CCBE1: variants seen among roughly 807,000 people sequenced by gnomAD.
CCBE1 encodes collagen and calcium binding EGF domains 1.
In CCBE1, 37 loss-of-function variants were observed where a neutral mutation model predicts 50.0. That is an observed-to-expected ratio of 0.74 (90% CI 0.57 to 0.97). The LOEUF (loss-of-function observed/expected upper bound fraction) is 0.97, where lower values mean the gene tolerates loss of function less well. CCBE1 is among the 50% of genes least tolerant of loss of function. The pLI is 0.00. For synonymous variants in CCBE1, 234 were observed against 203.7 expected (o/e 1.15, Z -1.27); for missense variants, 538 against 523.8 (o/e 1.03, Z -0.26).
At chr18:59,537,022 T>C (rs1194538488) in intron 2 of CCBE1, among the ~76,000 whole-genome samples, 8 of 151,494 alleles carry the variant, frequency 5.3e-5, no homozygotes, top group Non-Finnish European at 1.2e-4. Flanking sequence ...ATGTTTTTCA[T>C]GTTTCTGCTC....
At chr18:59,678,681 C>T (rs1391327513) in intron 2 of CCBE1, among the ~76,000 whole-genome samples, 1 of 150,822 alleles carries the variant, frequency 6.6e-6, no homozygotes, top group East Asian at 1.9e-4. Context: ...TACAGGTGCC[C>T]ACCACCACAC....
chr18:59,532,742 T>G (rs894304610), intron 2 of CCBE1, among the ~76,000 whole-genome samples: 4 of 152,248 alleles, frequency 2.6e-5, no homozygotes, highest in African/African-American at 9.6e-5. Context: ...ATTCCAAAGT[T>G]CATGTTCTTT....
intron 1 of CCBE1, among the ~76,000 whole-genome samples, chr18:59,696,970 G>T (rs1401682574): frequency 6.6e-6 from 1 of 152,212 alleles, no homozygotes; most frequent in African/African-American, 2.4e-5. Flanking sequence ...CACCCGGGGG[G>T]AGGCAGGAAC....
intron 2 of CCBE1, among the ~76,000 whole-genome samples, chr18:59,606,037 A>G (rs539037610): frequency 6.6e-6 from 1 of 152,286 alleles, no homozygotes; most frequent in South Asian, 2.1e-4. Flanking sequence ...GATGATCTCA[A>G]CGCCTATGGT....
At chr18:59,440,018 G>A (rs1484911705) in intron 7 of CCBE1, among the ~76,000 whole-genome samples, 1 of 152,104 alleles carries the variant, frequency 6.6e-6, no homozygotes. Context: ...CTCTTTTCGC[G>A]GACTGCCAGT....
At chr18:59,436,255 C>A in intron 10 of CCBE1, 114 bp from the exon 11 acceptor site, 1 of 886,264 alleles carries the variant, frequency 1.1e-6, no homozygotes, top group East Asian at 2.5e-5. Flanking sequence ...CTCTGTGCCC[C>A]AAATGGAGCC....
At chr18:59,548,157 C>A (rs1218951182) in intron 2 of CCBE1, among the ~76,000 whole-genome samples, 1 of 152,144 alleles carries the variant, frequency 6.6e-6, no homozygotes, top group African/African-American at 2.4e-5. Flanking sequence ...AGTAAGACAA[C>A]TGAGGTCCGA....
chr18:59,682,304 G>T (rs1222520117), intron 2 of CCBE1, among the ~76,000 whole-genome samples: 1 of 152,202 alleles, frequency 6.6e-6, no homozygotes, highest in Non-Finnish European at 1.5e-5. Flanking sequence ...GGAGGAGGTT[G>T]CAGTGAGCTG....
intron 2 of CCBE1, among the ~76,000 whole-genome samples, chr18:59,526,445 G>T (rs1914824947): frequency 6.6e-6 from 1 of 151,336 alleles, no homozygotes; most frequent in Non-Finnish European, 1.5e-5. Flanking sequence ...AAGTAGCTGG[G>T]ATTACAGGCA....
intron 2 of CCBE1, among the ~76,000 whole-genome samples, chr18:59,649,771 A>G (rs2054103510): frequency 6.6e-6 from 1 of 152,216 alleles, no homozygotes; most frequent in Non-Finnish European, 1.5e-5. Flanking sequence ...GGGTGGATGA[A>G]TGCAAGCAGC....
At chr18:59,607,183 A>T (rs2053509838) in intron 2 of CCBE1, among the ~76,000 whole-genome samples, 1 of 152,218 alleles carries the variant, frequency 6.6e-6, no homozygotes, top group South Asian at 2.1e-4. Context: ...AGCTGAAAAC[A>T]TAGTATTTTT....
intron 2 of CCBE1, among the ~76,000 whole-genome samples, chr18:59,656,768 T>C (rs987143644): frequency 1.3e-5 from 2 of 152,244 alleles, no homozygotes; most frequent in Admixed American, 6.5e-5. Context: ...TCCTCTACGA[T>C]AGAGACTTCT....
At position 59,634,502 on chromosome 18, in the gene CCBE1, C is replaced by T. The variant is rs12606987; in HGVS notation, c.212+62127G>A. On this transcript the variant is annotated intron_variant, in intron 2 of 10. Coordinates refer to ENST00000439986, the MANE Select transcript of CCBE1 (RefSeq NM_133459.4). Reference sequence around the variant, plus strand: ...TGCTCTCAAGCCAGGGCCTTTTGGACTGCCACAGATTATGACAGTTAAATA... The same window carrying T: ...TGCTCTCAAGCCAGGGCCTTTTGGATTGCCACAGATTATGACAGTTAAATA... Among the ~76,000 whole-genome samples the T allele has an allele frequency of 2.5e-3, 374 of 152,302 alleles. 9 individuals carry two copies. The East Asian group carries it at 0.037, about 15-fold the overall frequency.
At chr18:59,670,983 T>C (rs2054422364) in intron 2 of CCBE1, among the ~76,000 whole-genome samples, 1 of 152,190 alleles carries the variant, frequency 6.6e-6, no homozygotes, top group African/African-American at 2.4e-5. Context: ...CACTCCATCG[T>C]ACAAGGCATT....
chr18:59,457,413 G>A (rs1108391), intron 5 of CCBE1, among the ~76,000 whole-genome samples: 119 of 152,158 alleles, frequency 7.8e-4, no homozygotes, highest in African/African-American at 2.8e-3. Context: ...AGCGACCTTG[G>A]GCAGGTTACT....
chr18:59,659,094 C>A (rs1191856124), intron 2 of CCBE1, among the ~76,000 whole-genome samples: 3 of 152,084 alleles, frequency 2.0e-5, no homozygotes, highest in Non-Finnish European at 4.4e-5. Flanking sequence ...CGTTCCTTTG[C>A]ACGACTTCCA....
chr18:59,507,178 C>T (rs1678820069), intron 2 of CCBE1, among the ~76,000 whole-genome samples: 1 of 152,234 alleles, frequency 6.6e-6, no homozygotes, highest in African/African-American at 2.4e-5. Flanking sequence ...CCAAAACCAA[C>T]ATCCTCCTTG....
At chr18:59,559,916 AC>A (rs760927780) in intron 2 of CCBE1, among the ~76,000 whole-genome samples, 298 of 152,326 alleles carry the variant, frequency 2.0e-3, no homozygotes, top group Non-Finnish European at 3.6e-3. Flanking sequence ...GGACAATGCA[AC>A]CGGGACAGTC....
intron 2 of CCBE1, among the ~76,000 whole-genome samples, chr18:59,566,294 A>T (rs866221197): frequency 6.6e-6 from 1 of 152,240 alleles, no homozygotes; most frequent in African/African-American, 2.4e-5. Context: ...TCCCTGGGTC[A>T]GTCACTTGTC....
Sources: allele counts gnomAD v4.1 joint callset (sites outside exome capture counted in the v4.1 genomes callset), GRCh38; gene constraint gnomAD v4.1.1; transcripts MANE v1.5; gene names NCBI Gene and HGNC (gene_info 2026-07-23, HGNC 2026-07-21).